Variants in MYT1L observed in about 807,000 individuals in gnomAD.
The protein encoded by MYT1L is myelin transcription factor 1 like, also known as myelin transcription factor 1-like protein.
Under a neutral mutation model 126.7 loss-of-function variants are expected in MYT1L, and 12 were observed. The observed-to-expected ratio is 0.09, with a 90% CI of 0.06 to 0.15. MYT1L has a LOEUF of 0.15. MYT1L is among the 10% of genes least tolerant of loss of function. MYT1L has a pLI of 1.00. For missense variants in MYT1L, 979 were observed against 1,585.2 expected, an observed-to-expected ratio of 0.62 and a Z score of 6.49; for synonymous variants, 541 against 604.2, an observed-to-expected ratio of 0.90 and a Z score of 1.53.
chr2:2,033,893 C>T lies in MYT1L; in HGVS notation c.-158+20085G>A, dbSNP rs571534251. ...CGATGCCACATGCTTTCCCACATCC[C>T]AGGTGCATTTCACTCTAGAGTCAAG... On this transcript the variant is annotated intron_variant, in intron 4 of 24. Transcript: ENST00000647738. 1.4e-4 allele frequency among the ~76,000 whole-genome samples: 21 copies of T among 152,316 alleles called. No individual in the cohort carries two copies. In the South Asian group the frequency reaches 2.3e-3, roughly 17 times the overall value.
chr2:2,143,675 G>T (rs2084387437), intron 3 of MYT1L, among the ~76,000 whole-genome samples: 1 of 152,108 alleles, frequency 6.6e-6, no homozygotes, highest in African/African-American at 2.4e-5. Flanking sequence ...GAGACATGGG[G>T]TGGCATTTGT....
intron 8 of MYT1L, among the ~76,000 whole-genome samples, chr2:1,968,253 T>G (rs1317373664): frequency 6.7e-6 from 1 of 149,790 alleles, no homozygotes; most frequent in East Asian, 2.0e-4. Context: ...CCCTCTGCCC[T>G]CTCCGCATGC....
intron 18 of MYT1L, among the ~76,000 whole-genome samples, chr2:1,864,247 C>A (rs911589684): frequency 6.6e-6 from 1 of 152,126 alleles, no homozygotes; most frequent in African/African-American, 2.4e-5. Context: ...TTGAGGTCCT[C>A]CCCAACACGC....
chr2:1,987,552 T>C (rs769760081), intron 5 of MYT1L, among the ~76,000 whole-genome samples: 6 of 152,212 alleles, frequency 3.9e-5, no homozygotes, highest in Non-Finnish European at 7.3e-5. Flanking sequence ...TCTGGGCTTA[T>C]GCCTCCTGCC....
chr2:1,795,337 C>A (rs1056821937), intron 23 of MYT1L, among the ~76,000 whole-genome samples: 1 of 152,218 alleles, frequency 6.6e-6, no homozygotes. Context: ...TAAAGGGGAG[C>A]CCTCTCAGAA....
At chr2:2,144,117 T>C (rs1366239114) in intron 3 of MYT1L, among the ~76,000 whole-genome samples, 1 of 152,172 alleles carries the variant, frequency 6.6e-6, no homozygotes, top group East Asian at 1.9e-4. Flanking sequence ...GTTGAAGTTA[T>C]GGTTTACAAA....
chr2:2,162,701 C>T (rs1364871988), intron 3 of MYT1L, among the ~76,000 whole-genome samples: 1 of 152,244 alleles, frequency 6.6e-6, no homozygotes, highest in African/African-American at 2.4e-5. Flanking sequence ...GGCTGCCCAG[C>T]TGGCATTAAG....
chr2:1,980,126 A>G (rs1002952312), intron 5 of MYT1L, among the ~76,000 whole-genome samples: 2 of 150,826 alleles, frequency 1.3e-5, no homozygotes, highest in Non-Finnish European at 3.0e-5. Context: ...TACTAAGAAT[A>G]TAACAGCCAT....
intron 4 of MYT1L, among the ~76,000 whole-genome samples, chr2:2,030,287 C>T (rs903331325): frequency 5.9e-5 from 9 of 152,036 alleles, no homozygotes; most frequent in East Asian, 3.9e-4. Flanking sequence ...TTAATAGAGA[C>T]GGGGTTTCAA....
intron 2 of MYT1L, among the ~76,000 whole-genome samples, chr2:2,266,831 C>T (rs538647713): frequency 3.3e-5 from 5 of 152,336 alleles, no homozygotes; most frequent in Non-Finnish European, 7.3e-5. Flanking sequence ...CTCTCCTTCT[C>T]TTGTCTGCTG....
At chr2:2,175,273 A>C (rs1483251836) in intron 2 of MYT1L, among the ~76,000 whole-genome samples, 1 of 152,076 alleles carries the variant, frequency 6.6e-6, no homozygotes, top group Non-Finnish European at 1.5e-5. Context: ...CTTTTCCTGG[A>C]GGTATCAGCA....
rs1348677200 is a variant in MYT1L, at chr2:1,889,882, TTG to T, written c.2284-407_2284-406del. ...TGCAAATACCTAAGAGATAAAAATT[TTG>T]TGTGTATGCATGTGTGCATATACAT... On this transcript the variant is annotated intron_variant, in intron 15 of 24. Transcript: ENST00000647738. The surrounding 1 kb of genome is among the most constrained non-coding windows in gnomAD (Gnocchi z 4.1). 2.0e-5 allele frequency among the ~76,000 whole-genome samples: 3 copies of T among 152,146 alleles called. No homozygotes were observed. Among genetic ancestry groups the T allele is most frequent in the Non-Finnish European group, 2.9e-5 (2 of 68,038 alleles).
intron 8 of MYT1L, among the ~76,000 whole-genome samples, chr2:1,952,552 T>C (rs990872180): frequency 4.0e-4 from 61 of 151,786 alleles, no homozygotes; most frequent in Non-Finnish European, 7.6e-4. Flanking sequence ...GTCTATTTTT[T>C]CTTCTTGGAA....
At chr2:2,124,907 T>G (rs553558610) in intron 3 of MYT1L, among the ~76,000 whole-genome samples, 93 of 152,340 alleles carry the variant, frequency 6.1e-4, no homozygotes, top group African/African-American at 2.2e-3. Flanking sequence ...AGCCACGGTT[T>G]CACATCACAT....
At chr2:2,092,923 G>A (rs531273063) in intron 3 of MYT1L, among the ~76,000 whole-genome samples, 2 of 152,328 alleles carry the variant, frequency 1.3e-5, no homozygotes, top group East Asian at 3.9e-4. Context: ...TTTAGCAGCT[G>A]AAGGTGTGTG....
At chr2:2,278,140 G>T (rs1161191567) in intron 2 of MYT1L, among the ~76,000 whole-genome samples, 1 of 152,122 alleles carries the variant, frequency 6.6e-6, no homozygotes, top group South Asian at 2.1e-4. Context: ...AATGGTAGTG[G>T]CCATATTTGT....
At chr2:2,145,045 T>C (rs1220723450) in intron 3 of MYT1L, among the ~76,000 whole-genome samples, 1 of 152,226 alleles carries the variant, frequency 6.6e-6, no homozygotes, top group Non-Finnish European at 1.5e-5. Context: ...GTATGTGTGT[T>C]TGTGTGTGCG....
At chr2:2,089,639 C>T (rs1380163662) in intron 3 of MYT1L, among the ~76,000 whole-genome samples, 1 of 152,170 alleles carries the variant, frequency 6.6e-6, no homozygotes, top group East Asian at 1.9e-4. Flanking sequence ...GTCCAATCTT[C>T]TCATTATACA....
At chr2:1,927,702 T>C (rs541084871) in intron 9 of MYT1L, among the ~76,000 whole-genome samples, 7 of 152,308 alleles carry the variant, frequency 4.6e-5, no homozygotes, top group East Asian at 3.9e-4. Context: ...AAAATCGCCC[T>C]AGACTTCCCC....
Sources: allele counts gnomAD v4.1 joint callset (sites outside exome capture counted in the v4.1 genomes callset), GRCh38; gene constraint gnomAD v4.1.1; non-coding constraint Gnocchi (gnomAD v3.1); transcripts MANE v1.5; gene names NCBI Gene and HGNC (gene_info 2026-07-23, HGNC 2026-07-21).